ADAM12: variants seen among roughly 807,000 people sequenced by gnomAD.
ADAM12 encodes the protein disintegrin and metalloproteinase domain-containing protein 12.
In ADAM12, 70 loss-of-function variants were observed where a neutral mutation model predicts 106.4. That is an observed-to-expected ratio of 0.66 (90% CI 0.54 to 0.80). The LOEUF is 0.80. Among genes scored for constraint, ADAM12 ranks in the 30% least tolerant of loss-of-function variants. The probability of loss-of-function intolerance (pLI) is 0.00; values close to 1 mark genes in which losing one functional copy is unlikely to be tolerated. For missense variants in ADAM12, 1,010 were observed against 1,171.9 expected (o/e 0.86, Z 2.02); for synonymous variants, 420 against 433.5 (o/e 0.97, Z 0.39).
chr10:126,383,926 G>A lies in ADAM12; in HGVS notation c.88+4132C>T, dbSNP rs1318492814. ...TAGTATTCTGTACAAGCTAGCAGGG[G>A]CCCTGGGTCACAGTCTAGCCAATGA... On this transcript the variant is annotated intron_variant, in intron 1 of 22. Coordinates refer to ENST00000448723, the MANE Select transcript of ADAM12 (RefSeq NM_001288973.2). 1.6e-4 allele frequency among the ~76,000 whole-genome samples: 25 copies of A among 152,132 alleles called. 1 individual carries two copies. Among genetic ancestry groups the A allele is most frequent in the Admixed American group, 1.6e-3 (25 of 15,268 alleles).
At chr10:126,154,055 C>A (rs2133719768) in intron 4 of ADAM12, among the ~76,000 whole-genome samples, 1 of 152,338 alleles carries the variant, frequency 6.6e-6, no homozygotes, top group South Asian at 2.1e-4. Flanking sequence ...CAGAGGAAAG[C>A]AGCTCTCCTG....
intron 14 of ADAM12, among the ~76,000 whole-genome samples, chr10:126,062,636 G>A (rs1458455562): frequency 1.3e-5 from 2 of 152,202 alleles, no homozygotes; most frequent in South Asian, 2.1e-4. Flanking sequence ...ACAGCCAGCT[G>A]AGTCACACAA....
chr10:126,305,215 A>C (rs1033865023), intron 2 of ADAM12, among the ~76,000 whole-genome samples: 3 of 152,072 alleles, frequency 2.0e-5, no homozygotes, highest in Non-Finnish European at 2.9e-5. Flanking sequence ...AATCAACCCA[A>C]ATATCCATCA....
chr10:126,023,253 G>A (rs1332477044), intron 21 of ADAM12, among the ~76,000 whole-genome samples: 2 of 152,134 alleles, frequency 1.3e-5, no homozygotes, highest in African/African-American at 4.8e-5. Flanking sequence ...CCCTAATGTA[G>A]GTATCATGGA....
chr10:126,237,390 C>T (rs1369515267), intron 3 of ADAM12, among the ~76,000 whole-genome samples: 1 of 152,136 alleles, frequency 6.6e-6, no homozygotes, highest in African/African-American at 2.4e-5. Context: ...CCCCTATACC[C>T]ATCACCCCAA....
intron 1 of ADAM12, among the ~76,000 whole-genome samples, chr10:126,354,595 T>A (rs987886929): frequency 3.3e-5 from 5 of 152,186 alleles, no homozygotes; most frequent in Admixed American, 2.0e-4. Context: ...AAATTATAAC[T>A]AAAATTTTCA....
At chr10:126,250,635 C>G (rs1958727993) in intron 3 of ADAM12, among the ~76,000 whole-genome samples, 1 of 152,148 alleles carries the variant, frequency 6.6e-6, no homozygotes. Context: ...GATTCTGAAG[C>G]CATCATTAGC....
At chr10:126,158,883 GA>G (rs1956880000) in intron 3 of ADAM12, among the ~76,000 whole-genome samples, 1 of 149,214 alleles carries the variant, frequency 6.7e-6, no homozygotes, top group African/African-American at 2.5e-5. Context: ...ATGGGGAGAG[GA>G]TGCACAGAGC....
At chr10:126,338,026 G>A (rs973887324) in intron 1 of ADAM12, among the ~76,000 whole-genome samples, 30 of 152,230 alleles carry the variant, frequency 2.0e-4, no homozygotes, top group African/African-American at 7.0e-4. Context: ...GAGCCATTTG[G>A]AAATAAAAGC....
At chr10:126,335,542 T>C (rs905433567) in intron 1 of ADAM12, among the ~76,000 whole-genome samples, 7 of 152,172 alleles carry the variant, frequency 4.6e-5, no homozygotes, top group African/African-American at 1.7e-4. Flanking sequence ...CAGGGCAATA[T>C]GGTGGTGATG....
chr10:126,304,537 A>G (rs997641052), intron 2 of ADAM12, among the ~76,000 whole-genome samples: 1 of 152,144 alleles, frequency 6.6e-6, no homozygotes, highest in Non-Finnish European at 1.5e-5. Context: ...TATAAGTATA[A>G]CAATGCATAT....
At chr10:126,148,299 T>G (rs897845855) in intron 4 of ADAM12, among the ~76,000 whole-genome samples, 2 of 152,238 alleles carry the variant, frequency 1.3e-5, no homozygotes, top group African/African-American at 4.8e-5. Context: ...GAAAATTCCC[T>G]GTGTGCTGAC....
At chr10:126,042,955 A>G (rs1954214379) in intron 18 of ADAM12, 85 bp downstream of exon 18, 1 of 1,334,550 alleles carries the variant, frequency 7.5e-7, no homozygotes, top group South Asian at 1.3e-5. Context: ...TGTTGGCTCT[A>G]CCTGCACCCA....
chr10:126,345,797 T>C (rs1044922101), intron 1 of ADAM12, among the ~76,000 whole-genome samples: 2 of 152,242 alleles, frequency 1.3e-5, no homozygotes, highest in African/African-American at 4.8e-5. Flanking sequence ...CTAGATTTTC[T>C]AGTTTATTTG....
intron 21 of ADAM12, among the ~76,000 whole-genome samples, chr10:126,021,079 A>G (rs1290656408): frequency 1.3e-5 from 2 of 151,276 alleles, no homozygotes; most frequent in Admixed American, 1.3e-4. Context: ...AGAGGGGTTC[A>G]TTGGAGCTGT....
intron 3 of ADAM12, among the ~76,000 whole-genome samples, chr10:126,266,385 G>A (rs927936692): frequency 6.6e-6 from 1 of 152,230 alleles, no homozygotes. Context: ...AAAGATGGGT[G>A]AGGAAAGCAG....
intron 3 of ADAM12, among the ~76,000 whole-genome samples, chr10:126,267,225 G>A (rs919705884): frequency 1.2e-4 from 18 of 152,206 alleles, no homozygotes; most frequent in African/African-American, 1.9e-4. Context: ...CATTAGCTCA[G>A]AAGAGTCACC....
chr10:126,087,872 G>A (rs1039030585), intron 11 of ADAM12, among the ~76,000 whole-genome samples: 2 of 152,124 alleles, frequency 1.3e-5, no homozygotes, highest in African/African-American at 4.8e-5. Flanking sequence ...TTTTCAGGCA[G>A]AAATCTCTTC....
At chr10:126,131,255 GACT>G in intron 5 of ADAM12, among the ~76,000 whole-genome samples, 1 of 151,846 alleles carries the variant, frequency 6.6e-6, no homozygotes, top group East Asian at 1.9e-4. Context: ...TGTTTGATCA[GACT>G]ACTAAGCTCC....
Sources: gnomAD v4.1 joint callset for allele counts (sites outside exome capture counted in the v4.1 genomes callset) on GRCh38, gnomAD v4.1.1 for gene constraint, MANE v1.5 for transcripts, NCBI Gene and HGNC (gene_info 2026-07-23, HGNC 2026-07-21) for gene names.